The following MDGA2 variants were observed in gnomAD, a reference collection of about 807,000 sequenced individuals.
MDGA2 encodes the protein MAM domain-containing glycosylphosphatidylinositol anchor protein 2.
In MDGA2, 40 loss-of-function variants were observed where a neutral mutation model predicts 117.8. The observed-to-expected ratio is 0.34, with a 90% CI of 0.26 to 0.44. The LOEUF (loss-of-function observed/expected upper bound fraction) is 0.44, where lower values mean the gene tolerates loss of function less well. Ranked by LOEUF, MDGA2 falls within the 20% of genes least tolerant of loss-of-function variation. The pLI is 1.00. For synonymous variants in MDGA2, 452 were observed against 439.0 expected, an observed-to-expected ratio of 1.03 and a Z score of -0.37; for missense variants, 1,123 against 1,250.6, an observed-to-expected ratio of 0.90 and a Z score of 1.54.
intron 1 of MDGA2, among the ~76,000 whole-genome samples, chr14:47,543,161 G>T (rs1381387626): frequency 6.6e-6 from 1 of 152,136 alleles, no homozygotes; most frequent in East Asian, 1.9e-4. Flanking sequence ...TGTAAGCCAT[G>T]ATTGCACCAC....
intron 3 of MDGA2, chr14:47,200,519 T>C (rs926188231): frequency 1.1e-5 from 7 of 619,286 alleles, no homozygotes; most frequent in Admixed American, 3.6e-5. Context: ...TTCTTTTCTT[T>C]TTTCTTTTTC....
intron 10 of MDGA2, among the ~76,000 whole-genome samples, chr14:46,902,201 C>T (rs1323424882): frequency 6.6e-6 from 1 of 152,064 alleles, no homozygotes; most frequent in Admixed American, 6.6e-5. Flanking sequence ...AACAGTACCA[C>T]CATGACCTCA....
intron 9 of MDGA2, 98 bp downstream of exon 9, chr14:46,957,276 T>C (rs12588146): frequency 0.04 from 49,097 of 1,214,314 alleles, 2,137 homozygotes; most frequent in Admixed American, 0.22. Context: ...CTATGCTCCA[T>C]TGATTTACAA....
At chr14:47,600,066 T>G (rs905737735) in intron 1 of MDGA2, among the ~76,000 whole-genome samples, 1 of 152,056 alleles carries the variant, frequency 6.6e-6, no homozygotes, top group Admixed American at 6.6e-5. Context: ...TATAGCCATA[T>G]AGACGACATG....
chr14:47,073,080 AT>A (rs1462738975), intron 6 of MDGA2, among the ~76,000 whole-genome samples: 1 of 152,206 alleles, frequency 6.6e-6, no homozygotes, highest in Non-Finnish European at 1.5e-5. Flanking sequence ...TCTTCAGAAG[AT>A]GATAAAAATG....
At chr14:47,100,025 A>G (rs1383180250) in intron 5 of MDGA2, among the ~76,000 whole-genome samples, 1 of 152,014 alleles carries the variant, frequency 6.6e-6, no homozygotes, top group Non-Finnish European at 1.5e-5. Flanking sequence ...TCACTATAGA[A>G]TACAGTTATT....
At chr14:47,056,106 CT>C (rs1249234129) in intron 7 of MDGA2, among the ~76,000 whole-genome samples, 3 of 152,106 alleles carry the variant, frequency 2.0e-5, no homozygotes, top group Non-Finnish European at 2.9e-5. Context: ...CTATTCCTTA[CT>C]ATAGCCATTC....
At chr14:47,214,085 G>C (rs562434767) in intron 3 of MDGA2, among the ~76,000 whole-genome samples, 3 of 152,064 alleles carry the variant, frequency 2.0e-5, no homozygotes, top group African/African-American at 7.2e-5. Flanking sequence ...CTGCATGGAA[G>C]AGACCACCTG....
chr14:47,263,205 G>T (rs1235812544), intron 2 of MDGA2, among the ~76,000 whole-genome samples: 1 of 126,006 alleles, frequency 7.9e-6, no homozygotes, highest in Non-Finnish European at 1.9e-5. Flanking sequence ...TCAATAAATT[G>T]GAAATTTCTC....
chr14:47,100,755 G>C (rs1880258704), intron 5 of MDGA2, among the ~76,000 whole-genome samples: 1 of 152,130 alleles, frequency 6.6e-6, no homozygotes, highest in Non-Finnish European at 1.5e-5. Context: ...GAAACTTTCT[G>C]ATTAAGCAGA....
At chr14:47,220,925 G>C (rs1181110015) in intron 2 of MDGA2, among the ~76,000 whole-genome samples, 6 of 152,120 alleles carry the variant, frequency 3.9e-5, no homozygotes, top group Admixed American at 3.9e-4. Flanking sequence ...ATTAACCTCA[G>C]GGTTCAAATA....
intron 8 of MDGA2, among the ~76,000 whole-genome samples, chr14:46,973,823 T>A (rs1886355162): frequency 6.6e-6 from 1 of 151,780 alleles, no homozygotes; most frequent in Admixed American, 6.6e-5. Flanking sequence ...TTATAACAAA[T>A]AAATGAAATC....
intron 3 of MDGA2, among the ~76,000 whole-genome samples, chr14:47,196,363 T>C (rs1386692708): frequency 6.6e-6 from 1 of 152,136 alleles, no homozygotes; most frequent in Non-Finnish European, 1.5e-5. Flanking sequence ...TTCCATTTAT[T>C]ATTTAAGAGA....
intron 9 of MDGA2, among the ~76,000 whole-genome samples, chr14:46,932,874 C>A (rs377437576): frequency 2.7e-5 from 4 of 150,824 alleles, no homozygotes; most frequent in African/African-American, 9.8e-5. Context: ...CAGATAATCA[C>A]GAGAAATATA....
intron 2 of MDGA2, among the ~76,000 whole-genome samples, chr14:47,296,241 GA>G (rs976734582): frequency 1.3e-5 from 2 of 149,874 alleles, no homozygotes; most frequent in Middle Eastern, 3.4e-3. Flanking sequence ...TAAGCTGTTA[GA>G]AAAAAAAATG....
At chr14:47,475,761 G>A (rs968473144) in intron 1 of MDGA2, among the ~76,000 whole-genome samples, 1 of 152,140 alleles carries the variant, frequency 6.6e-6, no homozygotes, top group African/African-American at 2.4e-5. Flanking sequence ...ACTTATAAGG[G>A]GGAGCTGAAC....
chr14:47,595,888 A>G (rs1352023893), intron 1 of MDGA2, among the ~76,000 whole-genome samples: 1 of 152,204 alleles, frequency 6.6e-6, no homozygotes, highest in Non-Finnish European at 1.5e-5. Flanking sequence ...TGTTTTTTCT[A>G]TGGGAACAAA....
At chr14:47,338,464 T>C (rs1890525882) in intron 1 of MDGA2, among the ~76,000 whole-genome samples, 1 of 151,944 alleles carries the variant, frequency 6.6e-6, no homozygotes, top group African/African-American at 2.4e-5. Context: ...ATGTTTATTT[T>C]TGAGAGACAT....
intron 1 of MDGA2, among the ~76,000 whole-genome samples, chr14:47,415,780 T>C (rs1892463574): frequency 6.6e-6 from 1 of 152,102 alleles, no homozygotes; most frequent in Admixed American, 6.6e-5. Flanking sequence ...TGGTTTCTAG[T>C]GAGGGCCTCC....
Sources: gnomAD v4.1 joint callset for allele counts (sites outside exome capture counted in the v4.1 genomes callset) on GRCh38, gnomAD v4.1.1 for gene constraint, MANE v1.5 for transcripts, NCBI Gene and HGNC (gene_info 2026-07-23, HGNC 2026-07-21) for gene names.